The following NBAS variants were observed in gnomAD, a reference collection of about 807,000 sequenced individuals.
NBAS encodes NAG/BC035112 fusion.
Under a neutral mutation model 302.5 loss-of-function variants are expected in NBAS, and 219 were observed. The ratio of observed to expected loss-of-function variants is 0.72; its 90% CI spans 0.65 to 0.81. The LOEUF (loss-of-function observed/expected upper bound fraction) is 0.81, where lower values mean the gene tolerates loss of function less well. Ranked by LOEUF, NBAS falls within the 30% of genes least tolerant of loss-of-function variation. The pLI is 0.00. For synonymous variants in NBAS, 1,118 were observed against 1,021.6 expected, an observed-to-expected ratio of 1.09 and a Z score of -1.80; for missense variants, 2,932 against 2,841.6, an observed-to-expected ratio of 1.03 and a Z score of -0.72.
intron 44 of NBAS, among the ~76,000 whole-genome samples, chr2:15,263,408 C>T (rs1412476949): frequency 1.3e-5 from 2 of 152,090 alleles, no homozygotes; most frequent in Non-Finnish European, 2.9e-5. Flanking sequence ...AGTAATCTTT[C>T]TAAAACAAAA....
chr2:15,554,204 A>T, intron 3 of NBAS, 66 bp from the exon 4 acceptor site: 2 of 1,231,974 alleles, frequency 1.6e-6, no homozygotes, highest in Non-Finnish European at 2.4e-6. Flanking sequence ...GCAGACAAAT[A>T]GCACATATAC....
In NBAS at chr2:15,528,704, C is replaced by CA. The variant is rs1558414495; in HGVS notation, c.746+5838dup. 2.0e-5 allele frequency among the ~76,000 whole-genome samples: 3 copies of CA among 148,664 alleles called. No homozygotes were observed. The South Asian group carries it at 6.3e-4, about 31-fold the overall frequency. On this transcript the variant is annotated intron_variant, in intron 9 of 51. Transcript: ENST00000281513. ...CCAACACTGTGAAACCCAGTCTCTA[C>CA]AAAAATACAAAAATTAGCCGGACCT...
the NBAS span, among the ~76,000 whole-genome samples, chr2:15,044,383 T>C: frequency 6.6e-6 from 1 of 152,252 alleles, no homozygotes; most frequent in African/African-American, 2.4e-5. Context: ...ATTTCAGCTA[T>C]ACTCAAGCCT....
At chr2:15,074,395 AG>A in the NBAS span, among the ~76,000 whole-genome samples, 109 of 128,554 alleles carry the variant, frequency 8.5e-4, 1 homozygote, top group South Asian at 8.4e-3. Context: ...GGATGGAAGG[AG>A]GGGGGGAGGG....
the NBAS span, among the ~76,000 whole-genome samples, chr2:15,082,345 C>G: frequency 6.6e-6 from 1 of 152,144 alleles, no homozygotes; most frequent in Non-Finnish European, 1.5e-5. Context: ...TGCCAGGAGC[C>G]AGGGATGCAG....
the NBAS span, among the ~76,000 whole-genome samples, chr2:14,845,303 T>C: frequency 6.6e-6 from 1 of 152,218 alleles, no homozygotes; most frequent in South Asian, 2.1e-4. Context: ...TCCAAGACCA[T>C]CAAGGTGGTA....
intron 48 of NBAS, among the ~76,000 whole-genome samples, chr2:15,207,816 T>C (rs1318022091): frequency 6.6e-6 from 1 of 152,218 alleles, no homozygotes; most frequent in African/African-American, 2.4e-5. Context: ...TGTGAGTTAA[T>C]TAAACCTCTT....
chr2:14,849,921 C>T, the NBAS span, among the ~76,000 whole-genome samples: 1 of 137,816 alleles, frequency 7.3e-6, no homozygotes, highest in African/African-American at 3.4e-5. Context: ...AAAAGAGCTC[C>T]TGAAGGAAGT....
At chr2:15,231,616 T>C (rs542929400) in intron 47 of NBAS, among the ~76,000 whole-genome samples, 4 of 152,268 alleles carry the variant, frequency 2.6e-5, no homozygotes, top group African/African-American at 9.6e-5. Context: ...CAATAGCAAG[T>C]AGATAAGAGA....
chr2:14,791,803 C>CATAAAAAA, the NBAS span, among the ~76,000 whole-genome samples: 3 of 139,198 alleles, frequency 2.2e-5, no homozygotes, highest in African/African-American at 8.3e-5. Flanking sequence ...GACTCCATCT[C>CATAAAAAA]ATAAATAAAT....
At chr2:15,542,958 C>T (rs1329915363) in intron 6 of NBAS, among the ~76,000 whole-genome samples, 1 of 152,166 alleles carries the variant, frequency 6.6e-6, no homozygotes, top group Admixed American at 6.5e-5. Context: ...AATATTTTTT[C>T]ATTACAAGGT....
At chr2:15,485,920 A>C (rs981665121) in intron 12 of NBAS, among the ~76,000 whole-genome samples, 1 of 152,306 alleles carries the variant, frequency 6.6e-6, no homozygotes, top group South Asian at 2.1e-4. Flanking sequence ...GGAAAAAAAA[A>C]AGAAATAAAA....
chr2:15,020,885 A>G, the NBAS span, among the ~76,000 whole-genome samples: 1 of 152,160 alleles, frequency 6.6e-6, no homozygotes, highest in Non-Finnish European at 1.5e-5. Context: ...TCTTCAGCAG[A>G]TTAAAATTAA....
rs773654358 is a variant in NBAS at position 15,292,567 on chromosome 2, T to C, written c.4997A>G (p.Tyr1666Cys). ...DVQRFTADDQ[Y>C]KRETILGLAE... ...CAGACCAAGGATAGTTTCCCTTTTA[T>C]ACTGGTCATCTGCAGTAAACCGCTG... The change falls in exon 41 of 52, where the codon TAT (tyrosine) becomes TGT (cysteine). Residue 1666 changes from tyrosine (Y) to cysteine (C), a missense_variant. Physicochemically the swap from Tyr to Cys is radical, Grantham distance 194. Coordinates refer to ENST00000281513, the MANE Select transcript of NBAS (RefSeq NM_015909.4). 4.3e-6 allele frequency: 7 copies of C among 1,614,112 alleles called. No homozygotes were observed. The Admixed American group carries it at 1.2e-4, about 27-fold the overall frequency.
the NBAS span, among the ~76,000 whole-genome samples, chr2:15,019,100 T>C: frequency 6.6e-6 from 1 of 152,226 alleles, no homozygotes; most frequent in Non-Finnish European, 1.5e-5. Flanking sequence ...TATCAAGCCA[T>C]GTCTAATTCC....
chr2:15,029,605 T>C, the NBAS span, among the ~76,000 whole-genome samples: 48 of 152,290 alleles, frequency 3.2e-4, no homozygotes, highest in Non-Finnish European at 5.4e-4. Flanking sequence ...GTAGGAAGTA[T>C]ATGAGCAGGG....
chr2:15,159,638 T>C, the NBAS span, among the ~76,000 whole-genome samples: 1 of 152,012 alleles, frequency 6.6e-6, no homozygotes, highest in Non-Finnish European at 1.5e-5. Context: ...GGGGAGATGT[T>C]TAATGAGTGT....
intron 21 of NBAS, among the ~76,000 whole-genome samples, chr2:15,428,190 G>A (rs888162951): frequency 5.3e-5 from 8 of 152,164 alleles, no homozygotes; most frequent in Admixed American, 3.3e-4. Context: ...TCACAGAAAT[G>A]TTTTGCATCT....
the NBAS span, among the ~76,000 whole-genome samples, chr2:14,905,828 C>T: frequency 1.3e-5 from 2 of 152,114 alleles, no homozygotes; most frequent in African/African-American, 2.4e-5. Flanking sequence ...TAAATCCCAT[C>T]GAGGCTCAAA....
Sources: allele counts gnomAD v4.1 joint callset (sites outside exome capture counted in the v4.1 genomes callset), GRCh38; gene constraint gnomAD v4.1.1; transcripts MANE v1.5; gene names NCBI Gene and HGNC (gene_info 2026-07-23, HGNC 2026-07-21).